CSMD1: variants seen among roughly 807,000 people sequenced by gnomAD.
The protein encoded by CSMD1 is CUB and sushi domain-containing protein 1.
A neutral mutation model predicts 417.5 loss-of-function variants in CSMD1; 213 were observed. That is an observed-to-expected ratio of 0.51 (90% confidence interval 0.46 to 0.57). The LOEUF is 0.57. Ranked by LOEUF, CSMD1 falls within the 20% of genes least tolerant of loss-of-function variation. The pLI is 0.00. For synonymous variants in CSMD1, 2,862 were observed against 1,736.8 expected, an observed-to-expected ratio of 1.65 and a Z score of -16.11; for missense variants, 6,923 against 4,529.7, an observed-to-expected ratio of 1.53 and a Z score of -15.17.
chr8:4,520,474 G>T (rs575316166), intron 2 of CSMD1, among the ~76,000 whole-genome samples: 1 of 152,036 alleles, frequency 6.6e-6, no homozygotes, highest in African/African-American at 2.4e-5. Flanking sequence ...ATAAGACATG[G>T]GAAGATGAAA....
intron 5 of CSMD1, among the ~76,000 whole-genome samples, chr8:3,823,383 A>G (rs1801854976): frequency 6.6e-6 from 1 of 152,206 alleles, no homozygotes; most frequent in East Asian, 1.9e-4. Context: ...AAGGAAAGTT[A>G]AATACTGTTA....
At chr8:4,921,505 G>C (rs995663236) in intron 1 of CSMD1, among the ~76,000 whole-genome samples, 1 of 152,204 alleles carries the variant, frequency 6.6e-6, no homozygotes, top group African/African-American at 2.4e-5. Flanking sequence ...GTAAGTTTGT[G>C]ATGTTGGAAT....
chr8:3,652,117 TACCATCAGAGCGCTTACC>T (rs754069135), intron 7 of CSMD1, among the ~76,000 whole-genome samples: 8,345 of 125,462 alleles, frequency 0.067, 283 homozygotes, highest in Middle Eastern at 0.13. Context: ...TCAGCACGCT[TACCATCAGAGCGCTTACC>T]ACCATCAGAG....
intron 41 of CSMD1, among the ~76,000 whole-genome samples, chr8:3,119,384 TAAAAA>T (rs34060531): frequency 0.029 from 2,590 of 88,130 alleles, 127 homozygotes; most frequent in African/African-American, 0.09. Context: ...AGTCTTTTTC[TAAAAA>T]AAAAAAAAAA....
intron 1 of CSMD1, among the ~76,000 whole-genome samples, chr8:4,686,237 T>C (rs1364509379): frequency 6.6e-6 from 1 of 152,236 alleles, no homozygotes; most frequent in Non-Finnish European, 1.5e-5. Context: ...TGTCTTGGAT[T>C]TTCCTCTTGC....
At chr8:3,201,835 G>C (rs1407222079) in intron 31 of CSMD1, 110 bp from the exon 32 acceptor site, 1 of 377,810 alleles carries the variant, frequency 2.6e-6, no homozygotes, top group East Asian at 3.6e-5. Context: ...ATTATCCTAA[G>C]AATTTGGTAA....
intron 3 of CSMD1, among the ~76,000 whole-genome samples, chr8:4,344,206 G>A (rs936175388): frequency 3.3e-5 from 5 of 152,038 alleles, no homozygotes; most frequent in Non-Finnish European, 5.9e-5. Context: ...CCGTCTCCAT[G>A]GAGACTTTCC....
intron 4 of CSMD1, among the ~76,000 whole-genome samples, chr8:4,008,130 T>A (rs933526340): frequency 1.3e-5 from 2 of 152,070 alleles, no homozygotes; most frequent in Non-Finnish European, 2.9e-5. Flanking sequence ...TCAAGGCAGG[T>A]AGAGAAAACA....
At chr8:4,175,840 TG>T (rs1798008852) in intron 3 of CSMD1, among the ~76,000 whole-genome samples, 1 of 152,164 alleles carries the variant, frequency 6.6e-6, no homozygotes, top group Non-Finnish European at 1.5e-5. Context: ...TGAAAGTAAC[TG>T]GAAAGAAATA....
intron 3 of CSMD1, among the ~76,000 whole-genome samples, chr8:4,379,762 G>T (rs1056049215): frequency 1.3e-5 from 2 of 152,120 alleles, no homozygotes; most frequent in Non-Finnish European, 2.9e-5. Flanking sequence ...AAAAATCTAT[G>T]GCCCACACTT....
intron 1 of CSMD1, among the ~76,000 whole-genome samples, chr8:4,682,380 T>C (rs772328407): frequency 1.1e-4 from 16 of 152,196 alleles, no homozygotes; most frequent in East Asian, 1.9e-4. Flanking sequence ...AAATTACTTG[T>C]TGTGTATCTG....
At chr8:4,527,686 T>C (rs1279484418) in intron 2 of CSMD1, among the ~76,000 whole-genome samples, 2 of 152,222 alleles carry the variant, frequency 1.3e-5, no homozygotes, top group Admixed American at 6.5e-5. Flanking sequence ...TGGAACTTTA[T>C]ACAGTACATT....
At chr8:4,231,189 C>A (rs182923682) in intron 3 of CSMD1, among the ~76,000 whole-genome samples, 1 of 152,110 alleles carries the variant, frequency 6.6e-6, no homozygotes, top group Non-Finnish European at 1.5e-5. Flanking sequence ...ACATCAATTG[C>A]GCATTGAGTC....
intron 1 of CSMD1, among the ~76,000 whole-genome samples, chr8:4,654,623 A>C (rs562275360): frequency 6.6e-6 from 1 of 152,256 alleles, no homozygotes; most frequent in South Asian, 2.1e-4. Flanking sequence ...ATAGATATCA[A>C]CTAAAATGGT....
At chr8:3,265,609 A>T (rs953216127) in intron 26 of CSMD1, among the ~76,000 whole-genome samples, 1 of 152,250 alleles carries the variant, frequency 6.6e-6, no homozygotes, top group Admixed American at 6.5e-5. Flanking sequence ...TCAGGAACCA[A>T]GAGTGAAGGA....
intron 25 of CSMD1, among the ~76,000 whole-genome samples, chr8:3,286,180 C>T (rs945701521): frequency 2.0e-5 from 3 of 152,128 alleles, no homozygotes; most frequent in Admixed American, 6.6e-5. Flanking sequence ...GGCTGCATAG[C>T]ATTCCATGGC....
Position 4,861,206 on chromosome 8 carries a change from C to A in CSMD1, c.85+133126G>T, listed in dbSNP as rs557851831. On this transcript the variant is annotated intron_variant, in intron 1 of 69. Coordinates refer to ENST00000635120, the MANE Select transcript of CSMD1 (RefSeq NM_033225.6). Reference sequence around the variant, plus strand: ...CTGACATTTATCTCAGAGACCTGCTCTAATCTATTTCATTACTTCTGTAGA... The same window carrying A: ...CTGACATTTATCTCAGAGACCTGCTATAATCTATTTCATTACTTCTGTAGA... Among the ~76,000 whole-genome samples the A allele has an allele frequency of 7.2e-5, 11 of 152,210 alleles. No homozygotes were observed. The South Asian group carries it at 2.3e-3, about 32-fold the overall frequency.
intron 1 of CSMD1, among the ~76,000 whole-genome samples, chr8:4,777,277 T>G (rs990643235): frequency 6.6e-6 from 1 of 152,188 alleles, no homozygotes; most frequent in Non-Finnish European, 1.5e-5. Context: ...GAGAAACAAT[T>G]AAGTCTAATT....
chr8:3,636,230 T>A (rs960715518), intron 7 of CSMD1, among the ~76,000 whole-genome samples: 2 of 152,194 alleles, frequency 1.3e-5, no homozygotes, highest in African/African-American at 2.4e-5. Flanking sequence ...GTAACAGGCG[T>A]GGAACTGTCA....
Sources: allele counts gnomAD v4.1 joint callset (sites outside exome capture counted in the v4.1 genomes callset), GRCh38; gene constraint gnomAD v4.1.1; transcripts MANE v1.5; gene names NCBI Gene and HGNC (gene_info 2026-07-23, HGNC 2026-07-21).